The following PHRF1 variants were observed in gnomAD, a reference collection of about 807,000 sequenced individuals.
PHRF1 encodes PHD and RING finger domain-containing protein 1.
A neutral mutation model predicts 128.9 loss-of-function variants in PHRF1; 53 were observed. The ratio of observed to expected loss-of-function variants is 0.41; its 90% CI spans 0.33 to 0.52. The LOEUF is 0.52. Ranked by LOEUF, PHRF1 falls within the 20% of genes least tolerant of loss-of-function variation. The pLI, the probability that PHRF1 is intolerant of heterozygous loss-of-function variation, is 0.21. For synonymous variants in PHRF1, 1,178 were observed against 980.6 expected, an observed-to-expected ratio of 1.20 and a Z score of -3.76; for missense variants, 2,503 against 2,284.5, an observed-to-expected ratio of 1.10 and a Z score of -1.95.
intron 3 of PHRF1, among the ~76,000 whole-genome samples, chr11:583,856 G>A (rs971466714): frequency 3.3e-5 from 5 of 152,214 alleles, no homozygotes; most frequent in African/African-American, 9.6e-5. Context: ...GCCCTGCCCC[G>A]GCCCTGCTGT....
intron 9 of PHRF1, among the ~76,000 whole-genome samples, chr11:600,482 CTG>C (rs1268864231): frequency 1.8e-5 from 2 of 112,580 alleles, no homozygotes; most frequent in Admixed American, 9.4e-5. Context: ...GAGTGAGACT[CTG>C]TCTCCAAAAA....
At chr11:577,246 C>A (rs948231331) in intron 1 of PHRF1, among the ~76,000 whole-genome samples, 2 of 152,212 alleles carry the variant, frequency 1.3e-5, no homozygotes, top group African/African-American at 4.8e-5. Flanking sequence ...GGCTAAGTAA[C>A]TGGCCAGCGC....
In PHRF1 at chr11:576,592, G is replaced by T. The variant is rs1191344074; in HGVS notation, c.-22G>T. 6.6e-6 allele frequency: 1 copy of T among 151,346 alleles called. No individual in the cohort carries two copies. Among genetic ancestry groups the T allele is most frequent in the Non-Finnish European group, 1.5e-5 (1 of 67,752 alleles). 9.4% of individuals were successfully genotyped at this position (151,346 alleles called of 1,614,324 possible). A position where few individuals can be genotyped will look rare whatever the true frequency, so the allele number is the denominator to read the frequency against. On this transcript the variant is annotated splice_region_variant and 5_prime_UTR_variant, in exon 1 of 18. Coordinates refer to ENST00000264555, the MANE Select transcript of PHRF1 (RefSeq NM_001286581.2). ...GCGGCTGCGGGACGCGAGGTTTCCG[G>T]GTAAGTGCGGCGGCCGCGCCGGCCC...
chr11:610,996 G>T lies in PHRF1; in HGVS notation c.4720G>T (p.Val1574Leu). 2 of 1,613,542 alleles carry T rather than the reference G, an allele frequency of 1.2e-6. No homozygotes were observed. Among genetic ancestry groups the T allele is most frequent in the Non-Finnish European group, 1.7e-6 (2 of 1,179,826 alleles). Residue 1574 changes from valine (V) to leucine (L), a missense_variant, in exon 17 of 18, where the codon GTG (valine) becomes TTG (leucine). Coordinates refer to ENST00000264555, the MANE Select transcript of PHRF1 (RefSeq NM_001286581.2). ...CATGCAGGAGCGTGCTGTGGAGGAG[G>T]TGAAGCTGGCCATCAAGCCCTTCTA... ...LHMQERAVEE[V>L]KLAIKPFYQK...
intron 4 of PHRF1, among the ~76,000 whole-genome samples, chr11:589,576 G>C (rs1383498902): frequency 1.1e-5 from 1 of 90,768 alleles, no homozygotes; most frequent in South Asian, 4.9e-4. Context: ...GACACACTCG[G>C]GGGGGCAGGA....
At chr11:581,024 A>G (rs1035982691) in intron 1 of PHRF1, among the ~76,000 whole-genome samples, 2 of 151,012 alleles carry the variant, frequency 1.3e-5, no homozygotes, top group Non-Finnish European at 2.9e-5. Context: ...GGGTTTCTCC[A>G]TGTTGGTCAG....
At chr11:587,791 C>T (rs755545094) in intron 4 of PHRF1, among the ~76,000 whole-genome samples, 64 of 152,158 alleles carry the variant, frequency 4.2e-4, no homozygotes, top group Non-Finnish European at 7.5e-4. Context: ...TGCTGTGGTG[C>T]GTGGTCACTT....
chr11:596,895 G>A, intron 6 of PHRF1, 28 bp from the exon 7 acceptor site: 3 of 1,598,382 alleles, frequency 1.9e-6, no homozygotes, highest in Middle Eastern at 1.7e-4. Flanking sequence ...GCAGCACCCG[G>A]ATGCTTTGGC....
chr11:587,226 C>T (rs1239273323), intron 3 of PHRF1, 33 bp from the exon 4 acceptor site: 3 of 1,606,006 alleles, frequency 1.9e-6, no homozygotes, highest in South Asian at 1.1e-5. Flanking sequence ...GCTGCCCATC[C>T]TGCTTGCACC....
Position 582,065 on chromosome 11 carries a change from C to T in PHRF1, c.198C>T (p.Asp66=), listed in dbSNP as rs2134177255. 6.3e-7 allele frequency: 1 copy of T among 1,598,836 alleles called. No individual in the cohort carries two copies. The highest frequency in any genetic ancestry group is 1.3e-5 in the African/African-American group (1 of 74,814). ...GEDEGASEEE[D]LEDRSGSEDS... ...ACGAGGGGGCGTCTGAGGAGGAAGA[C>T]CTGGAAGACAGATCTGGTGAGACAG... is the stretch of plus-strand genomic sequence containing the variant. The change falls in exon 3 of 18, where the codon GAC becomes GAT. Residue 66 remains aspartate, a synonymous_variant. Transcript: ENST00000264555.
intron 10 of PHRF1, 62 bp from the exon 11 acceptor site, chr11:605,057 A>G: frequency 6.7e-7 from 1 of 1,493,682 alleles, no homozygotes; most frequent in Non-Finnish European, 9.1e-7. Context: ...TGGCATTTAC[A>G]GAGCCCTCGT....
chr11:608,252 G>T lies in PHRF1; in HGVS notation c.2796G>T (p.Leu932=). 6.2e-7 allele frequency: 1 copy of T among 1,609,814 alleles called. No individual in the cohort carries two copies. Among genetic ancestry groups the T allele is most frequent in the East Asian group, 2.2e-5 (1 of 44,868 alleles). ...AGAGCCAGGGCCTGGCTGCCCGGCT[G>T]CGGAGGCCATCCCCCCCAGAGCCCT... The part of the protein sequence containing the change: ...PTESQGLAAR[L]RRPSPPEPWD... The change falls in exon 14 of 18, where the codon CTG becomes CTT. Residue 932 remains leucine (L), a synonymous_variant. Transcript: ENST00000264555.
At chr11:601,528 G>A in intron 9 of PHRF1, 46 bp from the exon 10 acceptor site, 1 of 1,611,474 alleles carries the variant, frequency 6.2e-7, no homozygotes, top group South Asian at 1.1e-5. Context: ...ATGGGGCAGG[G>A]AGGGCCCAGC....
At position 601,580 on chromosome 11, in the gene PHRF1, G is replaced by C; in HGVS notation, c.1031G>C (p.Arg344Pro). 1.2e-6 allele frequency: 2 copies of C among 1,613,676 alleles called. No homozygotes were observed. The highest frequency in any genetic ancestry group is 8.5e-7 in the Non-Finnish European group (1 of 1,179,874). The change falls in exon 10 of 18, where the codon CGG becomes CCG. Residue 344 changes from arginine to proline, a missense_variant. Transcript: ENST00000264555. ...PARRKRKTRR[R>P]KKVPGRKKTP... Reference sequence around the variant, plus strand: ...TTCAACCTCTTTTCCTTAGGAAGACGGAAGAAAGTGCCGGGAAGAAAGAAA... The same window carrying C: ...TTCAACCTCTTTTCCTTAGGAAGACCGAAGAAAGTGCCGGGAAGAAAGAAA...
In PHRF1 at chr11:579,188, G is replaced by C. The variant is rs77946936; in HGVS notation, c.-21-2304G>C. On this transcript the variant is annotated intron_variant, in intron 1 of 17. Transcript: ENST00000264555. Reference sequence around the variant, plus strand: ...TATGTGAAATTCATCATCAAATGAGGATTTGCACTCGGGACAGTTGGACCC... The same window carrying C: ...TATGTGAAATTCATCATCAAATGAGCATTTGCACTCGGGACAGTTGGACCC... Among the ~76,000 whole-genome samples the C allele has an allele frequency of 6.8e-3, 1,032 of 151,574 alleles. 15 individuals carry two copies. Among genetic ancestry groups the C allele is most frequent in the African/African-American group, 0.024 (983 of 41,062 alleles).
chr11:600,926 A>G (rs561964799), intron 9 of PHRF1, among the ~76,000 whole-genome samples: 1 of 152,212 alleles, frequency 6.6e-6, no homozygotes, highest in East Asian at 1.9e-4. Context: ...AGATCACGCC[A>G]CTGCATTCCA....
In PHRF1 at chr11:607,223, C is replaced by G. The variant is rs771266358; in HGVS notation, c.1767C>G (p.Ser589=). The G allele has an allele frequency of 1.9e-6, 3 of 1,612,196 alleles. No individual in the cohort carries two copies. The highest frequency in any genetic ancestry group is 1.3e-5 in the African/African-American group (1 of 74,930). Residue 589 remains serine (S), a synonymous_variant, in exon 14 of 18, where the codon TCC becomes TCG. Coordinates refer to ENST00000264555, the MANE Select transcript of PHRF1 (RefSeq NM_001286581.2). The part of the protein sequence containing the change: ...QSTGLSCQGR[S]RTPARTAGAP... ...CAGGGCTCAGCTGTCAAGGCAGGTC[C>G]CGCACCCCCGCCCGCACCGCGGGGG...
Position 608,026 on chromosome 11 carries a change from C to T in PHRF1, c.2570C>T (p.Ser857Phe), listed in dbSNP as rs758420556. The T allele has an allele frequency of 7.4e-6, 12 of 1,611,300 alleles. No homozygotes were observed. In the South Asian group the frequency reaches 1.3e-4, roughly 18 times the overall value. The change falls in exon 14 of 18, where the codon TCT becomes TTT. Residue 857 changes from serine (S) to phenylalanine (F), a missense_variant. Transcript: ENST00000264555. ...PERSGPGLLP[S>F]EITRTISINS... ...AGGTCTGGCCCCGGCCTCCTGCCCT[C>T]TGAGATCACACGAACCATCTCCATC...
At chr11:605,807 CTGGCTCTCTG>C in intron 12 of PHRF1, 83 bp downstream of exon 12, 6 of 1,484,966 alleles carry the variant, frequency 4.0e-6, no homozygotes, top group Non-Finnish European at 4.4e-6. Flanking sequence ...CCGTGATAGC[CTGGCTCTCTG>C]TGGCCCTGGG....
Sources: allele counts gnomAD v4.1 joint callset (sites outside exome capture counted in the v4.1 genomes callset), GRCh38; gene constraint gnomAD v4.1.1; transcripts MANE v1.5; gene names NCBI Gene and HGNC (gene_info 2026-07-23, HGNC 2026-07-21).